The following SOX6 variants were observed in gnomAD, a reference collection of about 807,000 sequenced individuals.
The protein encoded by SOX6 is SRY-box transcription factor 6, also known as transcription factor SOX-6.
SOX6 carries 11 observed loss-of-function variants against 97.8 expected under a neutral mutation model. That is an observed-to-expected ratio of 0.11 (90% CI 0.07 to 0.19). The LOEUF is 0.19. Among genes scored for constraint, SOX6 ranks in the 10% least tolerant of loss-of-function variants. The probability of loss-of-function intolerance (pLI) is 1.00; values close to 1 mark genes in which losing one functional copy is unlikely to be tolerated. For missense variants in SOX6, 810 were observed against 1,039.5 expected (o/e 0.78, Z 3.04); for synonymous variants, 360 against 371.4 (o/e 0.97, Z 0.35).
chr11:15,991,340 C>T (rs1854047560), intron 13 of SOX6, among the ~76,000 whole-genome samples: 1 of 152,152 alleles, frequency 6.6e-6, no homozygotes, highest in African/African-American at 2.4e-5. Flanking sequence ...TTCCAGCTGA[C>T]AATATCCATC....
At chr11:16,680,175 A>G (rs186757775) in intron 3 of SOX6, among the ~76,000 whole-genome samples, 17 of 152,340 alleles carry the variant, frequency 1.1e-4, no homozygotes, top group African/African-American at 4.1e-4. Context: ...ACCAAGGTTG[A>G]AATGAAGGAA....
intron 4 of SOX6, among the ~76,000 whole-genome samples, chr11:16,604,017 G>T (rs973294532): frequency 1.3e-5 from 2 of 152,340 alleles, no homozygotes; most frequent in African/African-American, 4.8e-5. Context: ...AATTATACAT[G>T]TGGCATTTGG....
At chr11:16,513,943 G>A (rs952269157) in intron 4 of SOX6, among the ~76,000 whole-genome samples, 1 of 151,952 alleles carries the variant, frequency 6.6e-6, no homozygotes, top group African/African-American at 2.4e-5. Flanking sequence ...AAACTGTTGG[G>A]ATTACACCTG....
intron 3 of SOX6, among the ~76,000 whole-genome samples, chr11:16,268,476 TATATG>T (rs548350179): frequency 5.3e-5 from 8 of 151,128 alleles, no homozygotes; most frequent in Non-Finnish European, 7.4e-5. Flanking sequence ...AATGGCAAAG[TATATG>T]ATATGATATG....
intron 13 of SOX6, among the ~76,000 whole-genome samples, chr11:16,012,463 T>C (rs1417449729): frequency 1.3e-5 from 2 of 151,920 alleles, no homozygotes; most frequent in Non-Finnish European, 2.9e-5. Flanking sequence ...GGCAAGCTTC[T>C]AAAGGGAGGT....
chr11:16,147,760 A>G (rs1353627478), intron 6 of SOX6, among the ~76,000 whole-genome samples: 2 of 152,178 alleles, frequency 1.3e-5, no homozygotes, highest in Non-Finnish European at 2.9e-5. Flanking sequence ...TGTTTACTTC[A>G]GCACCCTGAA....
At chr11:16,227,689 A>G (rs976313861) in intron 4 of SOX6, among the ~76,000 whole-genome samples, 2 of 152,112 alleles carry the variant, frequency 1.3e-5, no homozygotes, top group African/African-American at 4.8e-5. Context: ...CTTAATTTCC[A>G]TTTTTTATTA....
intron 6 of SOX6, 77 bp from the exon 7 acceptor site, chr11:16,112,000 G>A: frequency 1.9e-6 from 3 of 1,583,978 alleles, no homozygotes; most frequent in African/African-American, 1.3e-5. Flanking sequence ...CACTCCTGGT[G>A]GTGTGCTGGT....
At chr11:16,355,795 G>C (rs898376846) in intron 1 of SOX6, among the ~76,000 whole-genome samples, 4 of 151,868 alleles carry the variant, frequency 2.6e-5, no homozygotes, top group Non-Finnish European at 5.9e-5. Flanking sequence ...CAGGACCTTA[G>C]ATTATACAGA....
chr11:16,145,954 T>C (rs907240355), intron 6 of SOX6, among the ~76,000 whole-genome samples: 3 of 152,054 alleles, frequency 2.0e-5, no homozygotes, highest in African/African-American at 7.2e-5. Context: ...TCAATGCCAC[T>C]CCCATCAAGC....
chr11:16,194,807 C>G (rs1213728639), intron 4 of SOX6, among the ~76,000 whole-genome samples: 1 of 152,180 alleles, frequency 6.6e-6, no homozygotes, highest in Admixed American at 6.5e-5. Context: ...GGCTCCCAAC[C>G]TCACAGCTGG....
intron 3 of SOX6, among the ~76,000 whole-genome samples, chr11:16,293,399 A>C (rs2134261865): frequency 6.6e-6 from 1 of 152,314 alleles, no homozygotes; most frequent in East Asian, 1.9e-4. Context: ...TAGGCAGCAT[A>C]AATTCTGTCC....
intron 1 of SOX6, among the ~76,000 whole-genome samples, chr11:16,460,056 A>G (rs1859890825): frequency 1.3e-5 from 2 of 152,122 alleles, no homozygotes; most frequent in African/African-American, 4.8e-5. Context: ...AGGGGGGGAA[A>G]AAAGCAGCCA....
intron 1 of SOX6, among the ~76,000 whole-genome samples, chr11:16,452,248 T>C (rs1010725858): frequency 7.2e-5 from 11 of 152,182 alleles, no homozygotes; most frequent in African/African-American, 2.7e-4. Flanking sequence ...AGGGACTTAA[T>C]AGGACAACAG....
chr11:16,453,836 T>C (rs972953269), intron 1 of SOX6, among the ~76,000 whole-genome samples: 3 of 152,156 alleles, frequency 2.0e-5, no homozygotes, highest in Non-Finnish European at 4.4e-5. Context: ...AGAAGAGTGA[T>C]TAAATGCATC....
intron 4 of SOX6, among the ~76,000 whole-genome samples, chr11:16,538,317 T>G (rs1408741995): frequency 1.3e-5 from 2 of 152,210 alleles, no homozygotes; most frequent in Non-Finnish European, 2.9e-5. Flanking sequence ...CAAGAGCTCC[T>G]GAAGGAAGCA....
At chr11:16,147,026 T>A in intron 6 of SOX6, among the ~76,000 whole-genome samples, 1 of 152,120 alleles carries the variant, frequency 6.6e-6, no homozygotes, top group Admixed American at 6.6e-5. Flanking sequence ...GGATTATAAA[T>A]CATGCTGCTA....
chr11:16,216,420 C>G (rs1852373066), intron 4 of SOX6, among the ~76,000 whole-genome samples: 1 of 152,000 alleles, frequency 6.6e-6, no homozygotes, highest in Non-Finnish European at 1.5e-5. Flanking sequence ...TCTCAAGATC[C>G]CTTCCTGGTT....
chr11:16,142,382 T>G (rs896018608), intron 6 of SOX6, among the ~76,000 whole-genome samples: 1 of 152,018 alleles, frequency 6.6e-6, no homozygotes, highest in African/African-American at 2.4e-5. Context: ...CAAAGGTAGA[T>G]AAAACCACAA....
Sources: gnomAD v4.1 joint callset for allele counts (sites outside exome capture counted in the v4.1 genomes callset) on GRCh38, gnomAD v4.1.1 for gene constraint, MANE v1.5 for transcripts, NCBI Gene and HGNC (gene_info 2026-07-23, HGNC 2026-07-21) for gene names.